ADAMTS17: variants seen among roughly 807,000 people sequenced by gnomAD.
ADAMTS17 encodes the protein A disintegrin and metalloproteinase with thrombospondin motifs 17.
In ADAMTS17, 113 loss-of-function variants were observed where a neutral mutation model predicts 141.5. That is an observed-to-expected ratio of 0.80 (90% CI 0.69 to 0.93). ADAMTS17 has a LOEUF of 0.93. Among genes scored for constraint, ADAMTS17 ranks in the 40% least tolerant of loss-of-function variants. ADAMTS17 has a pLI of 0.00. For missense variants in ADAMTS17, 1,659 were observed against 1,517.9 expected (o/e 1.09, Z -1.54); for synonymous variants, 768 against 630.6 (o/e 1.22, Z -3.27).
intron 16 of ADAMTS17, 136 bp from the exon 17 acceptor site, chr15:100,051,867 G>A: frequency 9.0e-7 from 1 of 1,111,746 alleles, no homozygotes; most frequent in Non-Finnish European, 1.3e-6. Context: ...CTGAAAACAG[G>A]TTCCACTGAG....
intron 15 of ADAMTS17, among the ~76,000 whole-genome samples, chr15:100,080,238 G>A (rs1276521535): frequency 1.3e-5 from 2 of 152,112 alleles, no homozygotes; most frequent in African/African-American, 4.8e-5. Flanking sequence ...GAGACACAAT[G>A]ATTCCATTAA....
Position 100,066,444 on chromosome 15 carries a change from A to AT in ADAMTS17, c.2138-12391dup, listed in dbSNP as rs528882379. The stretch of plus-strand genomic sequence containing the variant: ...GCTTAGTTTTACATAAACATTTATC[A>AT]TTTTTTTCTCACCATTTCTTCCCCA... On this transcript the variant is annotated intron_variant, in intron 15 of 21. Transcript: ENST00000268070. 2.9e-4 allele frequency among the ~76,000 whole-genome samples: 44 copies of AT among 151,606 alleles called. 5 individuals carry two copies. In the East Asian group the frequency reaches 7.9e-3, roughly 27 times the overall value.
chr15:100,227,924 G>A (rs144063379), intron 7 of ADAMTS17, among the ~76,000 whole-genome samples: 287 of 152,290 alleles, frequency 1.9e-3, no homozygotes, highest in African/African-American at 6.5e-3. Flanking sequence ...TTAGAGCAAC[G>A]GCTTTCATTC....
intron 4 of ADAMTS17, among the ~76,000 whole-genome samples, chr15:100,265,875 C>G (rs1361470058): frequency 6.6e-6 from 1 of 152,228 alleles, no homozygotes; most frequent in East Asian, 1.9e-4. Flanking sequence ...GAGTCCACCC[C>G]AGCCCCCACT....
chr15:100,153,328 G>A (rs568460157), intron 9 of ADAMTS17, among the ~76,000 whole-genome samples: 2 of 152,258 alleles, frequency 1.3e-5, no homozygotes, highest in Admixed American at 6.5e-5. Context: ...CATTCACAGT[G>A]AGAGGCGCGT....
chr15:100,136,002 C>T (rs1048585014), intron 10 of ADAMTS17, among the ~76,000 whole-genome samples: 2 of 152,170 alleles, frequency 1.3e-5, no homozygotes, highest in Non-Finnish European at 2.9e-5. Context: ...GGTTCAACAG[C>T]TTTGGAAAAC....
chr15:99,977,209 G>A (rs971048683), intron 20 of ADAMTS17, among the ~76,000 whole-genome samples: 10 of 150,768 alleles, frequency 6.6e-5, no homozygotes, highest in African/African-American at 2.2e-4. Flanking sequence ...GACATCCCTG[G>A]CTGCTGGCAT....
chr15:100,066,167 A>G (rs1273210022), intron 15 of ADAMTS17, among the ~76,000 whole-genome samples: 2 of 152,154 alleles, frequency 1.3e-5, no homozygotes. Flanking sequence ...GCTATTGTAA[A>G]CAGTGCTGCA....
chr15:100,287,063 C>T (rs187932751), intron 3 of ADAMTS17, among the ~76,000 whole-genome samples: 21 of 152,292 alleles, frequency 1.4e-4, no homozygotes, highest in African/African-American at 4.8e-4. Context: ...TGGCACACAC[C>T]TGTAGTCCCA....
intron 12 of ADAMTS17, among the ~76,000 whole-genome samples, chr15:100,127,441 G>C (rs1422696065): frequency 6.6e-6 from 1 of 152,198 alleles, no homozygotes; most frequent in South Asian, 2.1e-4. Flanking sequence ...CACCTTTGGA[G>C]TTTCAAGAAG....
At chr15:100,222,242 C>T (rs760369247) in intron 7 of ADAMTS17, among the ~76,000 whole-genome samples, 1 of 152,144 alleles carries the variant, frequency 6.6e-6, no homozygotes, top group African/African-American at 2.4e-5. Flanking sequence ...CAGGTAAGCA[C>T]CGAGGAGGTG....
At chr15:100,103,597 G>A (rs970124131) in intron 14 of ADAMTS17, among the ~76,000 whole-genome samples, 10 of 144,316 alleles carry the variant, frequency 6.9e-5, no homozygotes, top group Admixed American at 6.9e-4. Flanking sequence ...TTCCTTTTTT[G>A]AGATGGAGTC....
chr15:100,004,482 C>T (rs111848605), intron 18 of ADAMTS17, among the ~76,000 whole-genome samples: 15 of 152,200 alleles, frequency 9.9e-5, no homozygotes, highest in South Asian at 4.2e-4. Flanking sequence ...ACTGTAGTTC[C>T]GTAAAACAAT....
chr15:100,001,654 T>C (rs1420412186), intron 18 of ADAMTS17, among the ~76,000 whole-genome samples: 1 of 152,050 alleles, frequency 6.6e-6, no homozygotes, highest in East Asian at 1.9e-4. Flanking sequence ...TCAATTTTGA[T>C]GTGAACCTAC....
intron 4 of ADAMTS17, among the ~76,000 whole-genome samples, chr15:100,270,162 T>C (rs2043855236): frequency 6.6e-6 from 1 of 152,044 alleles, no homozygotes; most frequent in Non-Finnish European, 1.5e-5. Context: ...TGGAGCCATT[T>C]CTTCTGTGGC....
chr15:100,228,317 T>G lies in ADAMTS17; in HGVS notation c.1075+25819A>C, dbSNP rs147623875. 1.6e-4 allele frequency among the ~76,000 whole-genome samples: 24 copies of G among 152,326 alleles called. No individual in the cohort carries two copies. In the East Asian group the frequency reaches 3.1e-3, roughly 20 times the overall value. The stretch of plus-strand genomic sequence containing the variant: ...AGAAACCTGGCCCAGTTTATCATCA[T>G]ATCTATTTGTATGACAAGTTCTTTT... On this transcript the variant is annotated intron_variant, in intron 7 of 21. Transcript: ENST00000268070.
chr15:100,113,132 G>C (rs540275137), intron 13 of ADAMTS17, among the ~76,000 whole-genome samples: 3 of 152,222 alleles, frequency 2.0e-5, no homozygotes, highest in Non-Finnish European at 4.4e-5. Context: ...AGGCCTCTGC[G>C]GATTTTACCA....
rs760146001 is a variant in ADAMTS17 at position 99,997,498 on chromosome 15, C to T, written c.2683G>A (p.Gly895Ser). 72 of 1,613,484 alleles carry T rather than the reference C, an allele frequency of 4.5e-5. 1 individual carries two copies. The Admixed American group carries it at 9.8e-4, about 22-fold the overall frequency. ...EVTCVYQLQN[G>S]THVATRPLYC... Reference sequence around the variant, plus strand: ...AGGGGCCGCGTAGCGACGTGTGTGCCGTTCTGCAGCTGGTACACGCAGGTC... The same window carrying T: ...AGGGGCCGCGTAGCGACGTGTGTGCTGTTCTGCAGCTGGTACACGCAGGTC... Residue 895 changes from glycine to serine, a missense_variant, in exon 19 of 22, where the codon GGC (glycine) becomes AGC (serine). Physicochemically the swap from Gly to Ser is moderately conservative, Grantham distance 56 (BLOSUM62 0). Transcript: ENST00000268070. The surrounding 1 kb of genome is among the most constrained non-coding windows in gnomAD (Gnocchi z 4.7).
intron 4 of ADAMTS17, among the ~76,000 whole-genome samples, chr15:100,265,525 G>A (rs982791528): frequency 6.6e-6 from 1 of 152,228 alleles, no homozygotes; most frequent in Admixed American, 6.5e-5. Flanking sequence ...GGGTGGACCT[G>A]CCGCCTGCAG....
Sources: gnomAD v4.1 joint callset for allele counts (sites outside exome capture counted in the v4.1 genomes callset) on GRCh38, gnomAD v4.1.1 for gene constraint, Gnocchi (gnomAD v3.1) non-coding constraint, MANE v1.5 for transcripts, NCBI Gene and HGNC (gene_info 2026-07-23, HGNC 2026-07-21) for gene names.